Variants in PRKCZ observed in about 807,000 individuals in gnomAD.
PRKCZ encodes protein kinase C zeta type.
In PRKCZ, 33 loss-of-function variants were observed where a neutral mutation model predicts 79.5. The ratio of observed to expected loss-of-function variants is 0.41; its 90% confidence interval spans 0.31 to 0.55. PRKCZ has a LOEUF of 0.55. PRKCZ is among the 20% of genes least tolerant of loss of function. The pLI, the probability that PRKCZ is intolerant of heterozygous loss-of-function variation, is 0.19. For missense variants in PRKCZ, 578 were observed against 813.5 expected (o/e 0.71, Z 3.52); for synonymous variants, 342 against 320.9 (o/e 1.07, Z -0.70).
intron 3 of PRKCZ, among the ~76,000 whole-genome samples, chr1:2,058,068 C>T (rs1660343418): frequency 6.6e-6 from 1 of 152,186 alleles, no homozygotes; most frequent in African/African-American, 2.4e-5. Flanking sequence ...GGAGTTTCAC[C>T]ATGTTAGCCA....
intron 5 of PRKCZ, among the ~76,000 whole-genome samples, chr1:2,136,908 G>A (rs950749545): frequency 3.3e-5 from 5 of 152,180 alleles, no homozygotes; most frequent in African/African-American, 1.2e-4. Context: ...TTATGAGTCA[G>A]GGTTCTCCAG....
intron 16 of PRKCZ, 26 bp downstream of exon 16, chr1:2,175,339 A>G: frequency 6.3e-7 from 1 of 1,584,478 alleles, no homozygotes; most frequent in Non-Finnish European, 8.6e-7. Context: ...GCCTATTTGC[A>G]CCCCCATCCC....
chr1:2,181,663 C>T (rs1312345898), intron 16 of PRKCZ: 1 of 346,040 alleles, frequency 2.9e-6, no homozygotes, highest in Non-Finnish European at 5.7e-6. Context: ...ATCTTGAGCC[C>T]TCGGAGCAGA....
chr1:2,115,280 C>T (rs1289552387), intron 4 of PRKCZ, among the ~76,000 whole-genome samples: 2 of 152,270 alleles, frequency 1.3e-5, no homozygotes, highest in African/African-American at 4.8e-5. Flanking sequence ...TGTATCCACC[C>T]TCATCTTGCG....
chr1:2,053,976 G>A (rs1659923927), intron 1 of PRKCZ, among the ~76,000 whole-genome samples: 1 of 152,178 alleles, frequency 6.6e-6, no homozygotes, highest in Non-Finnish European at 1.5e-5. Context: ...GGGTAGCTGG[G>A]GCGTCTGTCC....
chr1:2,099,430 G>C (rs899349242), intron 4 of PRKCZ, among the ~76,000 whole-genome samples: 1 of 151,864 alleles, frequency 6.6e-6, no homozygotes, highest in African/African-American at 2.4e-5. Context: ...CGGGCTCACT[G>C]TGCAGACCAA....
At chr1:2,118,882 T>G (rs1451184644) in intron 4 of PRKCZ, among the ~76,000 whole-genome samples, 3 of 152,186 alleles carry the variant, frequency 2.0e-5, no homozygotes, top group Non-Finnish European at 4.4e-5. Context: ...TAATCCAGTC[T>G]GAAAATGGCT....
intron 1 of PRKCZ, among the ~76,000 whole-genome samples, chr1:2,051,390 G>A (rs1186776040): frequency 6.6e-6 from 1 of 152,216 alleles, no homozygotes; most frequent in Non-Finnish European, 1.5e-5. Context: ...AGGTGGCCGG[G>A]CTCACAGGCA....
At chr1:2,142,499 G>A (rs1004943404) in intron 5 of PRKCZ, 11 of 294,992 alleles carry the variant, frequency 3.7e-5, no homozygotes, top group Non-Finnish European at 5.3e-5. Context: ...TCCAGCAGGT[G>A]CCGACTGGGG....
At chr1:2,179,153 A>T (rs557761716) in intron 16 of PRKCZ, among the ~76,000 whole-genome samples, 59 of 152,240 alleles carry the variant, frequency 3.9e-4, no homozygotes, top group Non-Finnish European at 6.8e-4. Context: ...GGTGGCGCTC[A>T]TCTTGTCGGG....
At position 2,053,137 on chromosome 1, in the gene PRKCZ, G is replaced by A. The variant is rs1403954192; in HGVS notation, c.72-2304G>A. Among the ~76,000 whole-genome samples the A allele has an allele frequency of 4.0e-5, 6 of 148,608 alleles. 1 individual carries two copies. Among genetic ancestry groups the A allele is most frequent in the South Asian group, 2.1e-4 (1 of 4,690 alleles). On this transcript the variant is annotated intron_variant, in intron 1 of 17. Coordinates refer to ENST00000378567, the MANE Select transcript of PRKCZ (RefSeq NM_002744.6). ...AGACTTTTTTTTTTTTTTGAGTCTC[G>A]CTGTGTTGCCCAGGCTGCAGTGGTG...
intron 16 of PRKCZ, chr1:2,181,788 G>A (rs1168921051): frequency 4.4e-6 from 2 of 454,776 alleles, no homozygotes; most frequent in Non-Finnish European, 8.8e-6. Context: ...CTAAGGTAGG[G>A]AAAGTACTTT....
At chr1:2,157,867 G>A (rs946994408) in intron 10 of PRKCZ, among the ~76,000 whole-genome samples, 1 of 152,294 alleles carries the variant, frequency 6.6e-6, no homozygotes, top group Admixed American at 6.5e-5. Context: ...TGTTATATCC[G>A]TGTAGGGAAC....
chr1:2,163,444 T>A (rs1390065343), intron 10 of PRKCZ, among the ~76,000 whole-genome samples: 1 of 152,184 alleles, frequency 6.6e-6, no homozygotes, highest in African/African-American at 2.4e-5. Flanking sequence ...CTGGCAATGA[T>A]ACATACAGCC....
At chr1:2,120,460 C>T (rs559487059) in intron 4 of PRKCZ, among the ~76,000 whole-genome samples, 5 of 151,810 alleles carry the variant, frequency 3.3e-5, no homozygotes, top group South Asian at 2.1e-4. Flanking sequence ...CCACCATGAC[C>T]GGCTAATTTT....
chr1:2,055,475 A>G lies in PRKCZ; in HGVS notation c.106A>G (p.Thr36Ala), dbSNP rs757345608. The G allele has an allele frequency of 1.6e-5, 26 of 1,613,696 alleles. No homozygotes were observed. In the Admixed American group the frequency reaches 3.7e-4, roughly 23 times the overall value. Residue 36 changes from threonine (T) to alanine (A), a missense_variant, in exon 2 of 18, where the codon ACC becomes GCC. This residue lies in a region of PRKCZ where 228 missense variants were observed against 211.6 expected (regional missense o/e 1.08). Coordinates refer to ENST00000378567, the MANE Select transcript of PRKCZ (RefSeq NM_002744.6). ...CATCACCAGCGTGGACGCCGCCACG[A>G]CCTTCGAGGAGCTCTGTGAGGAAGT... ...IFITSVDAAT[T>A]FEELCEEVRD...
rs1379336219 is a variant in PRKCZ, at chr1:2,172,548, T to C, written c.1285+160T>C. Among the ~76,000 whole-genome samples, 1 of 152,174 alleles carries C rather than the reference T, an allele frequency of 6.6e-6. No individual in the cohort carries two copies. The highest frequency in any genetic ancestry group is 2.4e-5 in the African/African-American group (1 of 41,454). On this transcript the variant is annotated intron_variant, in intron 13 of 17. Coordinates refer to ENST00000378567, the MANE Select transcript of PRKCZ (RefSeq NM_002744.6). This position sits in a 1 kb window ranked among gnomAD's most constrained non-coding sequence, Gnocchi z 7.8. ...GTCATCATCTGGCCTCAGCCCCTTA[T>C]TTGAATTCTGGAAAACCTCCCATGT...
At chr1:2,067,250 C>T (rs1013470500) in intron 4 of PRKCZ, among the ~76,000 whole-genome samples, 25 of 152,312 alleles carry the variant, frequency 1.6e-4, no homozygotes, top group African/African-American at 5.1e-4. Flanking sequence ...GTGGGTACAG[C>T]GCTCTGCTGT....
rs1243300239 is a variant in PRKCZ at position 2,173,376 on chromosome 1, G to C, written c.1286-521G>C. 2.0e-5 allele frequency among the ~76,000 whole-genome samples: 3 copies of C among 152,168 alleles called. No homozygotes were observed. The highest frequency in any genetic ancestry group is 4.4e-5 in the Non-Finnish European group (3 of 68,030). On this transcript the variant is annotated intron_variant, in intron 13 of 17. Coordinates refer to ENST00000378567, the MANE Select transcript of PRKCZ (RefSeq NM_002744.6). The surrounding 1 kb of genome is among the most constrained non-coding windows in gnomAD (Gnocchi z 5.7). Reference sequence around the variant, plus strand: ...AGCGTCTCACCTCAGCAGGGACCAGGGGGACTTCCGGGGACGCAGAGACAG... The same window carrying C: ...AGCGTCTCACCTCAGCAGGGACCAGCGGGACTTCCGGGGACGCAGAGACAG...
Sources: allele counts gnomAD v4.1 joint callset (sites outside exome capture counted in the v4.1 genomes callset), GRCh38; gene constraint gnomAD v4.1.1; regional missense constraint gnomAD v4.1.1; non-coding constraint Gnocchi (gnomAD v3.1); transcripts MANE v1.5; gene names NCBI Gene and HGNC (gene_info 2026-07-23, HGNC 2026-07-21).